ZNF83: variants seen among roughly 807,000 people sequenced by gnomAD.
The protein encoded by ZNF83 is zinc finger protein 83.
For missense variants in ZNF83, 552 were observed against 629.9 expected, an observed-to-expected ratio of 0.88 and a Z score of 1.32; for synonymous variants, 209 against 213.0, an observed-to-expected ratio of 0.98 and a Z score of 0.17.
chr19:52,664,763 A>C (rs1248297425), intron 1 of ZNF83, among the ~76,000 whole-genome samples: 1 of 10,476 alleles, frequency 9.5e-5, no homozygotes, highest in Non-Finnish European at 2.0e-4. Context: ...TGGGGGGGTG[A>C]GGGGGGAAGA....
At chr19:52,641,093 C>T (rs1053138854), upstream of ZNF83, among the ~76,000 whole-genome samples, 1 of 149,184 alleles carries the variant, frequency 6.7e-6, no homozygotes. Context: ...CCCAAGATGA[C>T]GATAACCCTC....
Position 52,662,791 on chromosome 19 carries a change from G to A in ZNF83, c.-282-1948C>T, listed in dbSNP as rs1024986631. Among the ~76,000 whole-genome samples the A allele has an allele frequency of 5.9e-5, 9 of 152,218 alleles. 1 individual carries two copies. Among genetic ancestry groups the A allele is most frequent in the African/African-American group, 1.9e-4 (8 of 41,522 alleles). ...AAGTTATCCAGAGAAGCTCTGAGTT[G>A]AGTCAGAAGGAGGTGCGGCTCATTC... On this transcript the variant is annotated intron_variant, in intron 1 of 5. Transcript: ENST00000594682.
chr19:52,633,584 T>C (rs749281327), intron 2 of ZNF83, among the ~76,000 whole-genome samples: 74 of 152,320 alleles, frequency 4.9e-4, no homozygotes, highest in Non-Finnish European at 8.7e-4. Context: ...GGGCCTAAGA[T>C]GCAGCTTTGC....
At chr19:52,671,323 G>A (rs369969782) in intron 1 of ZNF83, among the ~76,000 whole-genome samples, 1 of 151,914 alleles carries the variant, frequency 6.6e-6, no homozygotes, top group Non-Finnish European at 1.5e-5. Context: ...CTACTTTTAC[G>A]ATAAATGTTG....
At chr19:52,626,516 T>A (rs954982518) in intron 2 of ZNF83, among the ~76,000 whole-genome samples, 1 of 152,186 alleles carries the variant, frequency 6.6e-6, no homozygotes, top group Non-Finnish European at 1.5e-5. Flanking sequence ...TAACTGAGTG[T>A]CTTGGCTACT....
chr19:52,656,224 C>A lies in ZNF83; in HGVS notation c.-200-537G>T, dbSNP rs201066094. On this transcript the variant is annotated intron_variant, in intron 2 of 5. Transcript: ENST00000594682. Reference sequence around the variant, plus strand: ...TGAGACTCCGTCTCTCTCTCTCTCTCTCTATATATATATATAGCCAGGCAT... The same window carrying A: ...TGAGACTCCGTCTCTCTCTCTCTCTATCTATATATATATATAGCCAGGCAT... Among the ~76,000 whole-genome samples the A allele has an allele frequency of 9.7e-3, 1,214 of 124,616 alleles. 5 individuals are homozygous for A. Among genetic ancestry groups the A allele is most frequent in the African/African-American group, 0.025 (864 of 34,890 alleles). 81.8% of individuals were successfully genotyped at this position (124,616 alleles called of 152,430 possible).
chr19:52,661,539 T>A (rs2061580573), intron 1 of ZNF83, among the ~76,000 whole-genome samples: 1 of 152,174 alleles, frequency 6.6e-6, no homozygotes, highest in Non-Finnish European at 1.5e-5. Context: ...GCCATCGTAT[T>A]ATTGAGGGTG....
intron 1 of ZNF83, among the ~76,000 whole-genome samples, chr19:52,689,265 A>G (rs1226525639): frequency 1.3e-5 from 2 of 152,118 alleles, no homozygotes; most frequent in Non-Finnish European, 2.9e-5. Flanking sequence ...AAAATAAACA[A>G]TTCTGTTTCT....
chr19:52,613,447 T>C (rs149980539), exon 3 of ZNF83: 46 of 1,613,996 alleles, frequency 2.9e-5, no homozygotes, highest in South Asian at 4.4e-5. Flanking sequence ...ATCACACTTA[T>C]AAGGTTTCTC....
chr19:52,637,597 T>C (rs1252427715), intron 1 of ZNF83, among the ~76,000 whole-genome samples: 1 of 152,184 alleles, frequency 6.6e-6, no homozygotes, highest in African/African-American at 2.4e-5. Context: ...CCCTCTGTTA[T>C]GGGTCTTTCT....
At chr19:52,648,787 G>T (rs1344260089) in intron 3 of ZNF83, among the ~76,000 whole-genome samples, 1 of 152,152 alleles carries the variant, frequency 6.6e-6, no homozygotes, top group African/African-American at 2.4e-5. Context: ...TCAACCTGCT[G>T]CTAAAGAAGA....
intron 2 of ZNF83, among the ~76,000 whole-genome samples, chr19:52,615,457 G>C (rs1255932916): frequency 6.6e-6 from 1 of 152,068 alleles, no homozygotes; most frequent in Non-Finnish European, 1.5e-5. Flanking sequence ...AGCAGGTTGG[G>C]GCCAGGTGCG....
exon 3 of ZNF83, chr19:52,613,547 T>A: frequency 6.2e-7 from 1 of 1,614,168 alleles, no homozygotes; most frequent in Non-Finnish European, 8.5e-7. Context: ...TTCTCTCCAG[T>A]GTGGATTCTC....
At chr19:52,626,148 T>C (rs1467214121) in intron 2 of ZNF83, among the ~76,000 whole-genome samples, 2 of 152,188 alleles carry the variant, frequency 1.3e-5, no homozygotes, top group Admixed American at 6.5e-5. Flanking sequence ...CCTCTACTTA[T>C]AGGGTTAGGA....
At chr19:52,620,380 T>C (rs1294012584) in intron 2 of ZNF83, among the ~76,000 whole-genome samples, 1 of 151,622 alleles carries the variant, frequency 6.6e-6, no homozygotes, top group Non-Finnish European at 1.5e-5. Context: ...ATCTGTTCAG[T>C]TCTAAGAAAA....
chr19:52,615,986 C>T lies in ZNF83; in HGVS notation c.-233-1189G>A, dbSNP rs866721642. 2.6e-5 allele frequency among the ~76,000 whole-genome samples: 4 copies of T among 152,274 alleles called. No homozygotes were observed. The South Asian group carries it at 6.2e-4, about 24-fold the overall frequency. ...CCTGAGTAGCTGGGATTACAGGCGA[C>T]TGCCACCATGCCCAGCTAACTTTTG... On this transcript the variant is annotated intron_variant, in intron 2 of 2. Coordinates refer to ENST00000301096, the Ensembl canonical transcript of ZNF83.
At chr19:52,670,197 C>T (rs1056130273) in intron 1 of ZNF83, among the ~76,000 whole-genome samples, 4 of 151,990 alleles carry the variant, frequency 2.6e-5, no homozygotes, top group African/African-American at 4.8e-5. Context: ...TCATTCTGAT[C>T]ACCTGCCCCA....
chr19:52,613,410 A>G (rs1351261674), exon 3 of ZNF83: 2 of 1,613,314 alleles, frequency 1.2e-6, no homozygotes, highest in African/African-American at 2.7e-5. Flanking sequence ...CAAGATGTGA[A>G]TTTTGACTGA....
At chr19:52,630,648 C>T (rs1030078604) in intron 2 of ZNF83, among the ~76,000 whole-genome samples, 3 of 152,046 alleles carry the variant, frequency 2.0e-5, no homozygotes, top group African/African-American at 7.3e-5. Flanking sequence ...CTCTCGTATC[C>T]CCCCACCTTA....
Sources: gnomAD v4.1 joint callset for allele counts (sites outside exome capture counted in the v4.1 genomes callset) on GRCh38, gnomAD v4.1.1 for gene constraint, MANE v1.5 for transcripts, NCBI Gene and HGNC (gene_info 2026-07-23, HGNC 2026-07-21) for gene names.